Variants in DIAPH2 observed in about 807,000 individuals in gnomAD.
DIAPH2 encodes the protein protein diaphanous homolog 2.
In DIAPH2, 35 loss-of-function variants were observed where a neutral mutation model predicts 92.7. The observed-to-expected ratio is 0.38, with a 90% confidence interval of 0.29 to 0.50. DIAPH2 has a LOEUF of 0.50. Ranked by LOEUF, DIAPH2 falls within the 20% of genes least tolerant of loss-of-function variation. The pLI, the probability that DIAPH2 is intolerant of heterozygous loss-of-function variation, is 0.94. For synonymous variants in DIAPH2, 301 were observed against 280.4 expected (o/e 1.07, Z -0.73); for missense variants, 701 against 819.5 (o/e 0.86, Z 1.77).
At chrX:96,724,531 A>G (rs952075239) in intron 1 of DIAPH2, among the ~76,000 whole-genome samples, 3 of 112,029 alleles carry the variant, frequency 2.7e-5, no homozygotes, top group African/African-American at 9.7e-5. Flanking sequence ...ATGTGCAGAA[A>G]TATAATATGT....
At chrX:97,128,795 G>A (rs2067111036) in intron 21 of DIAPH2, among the ~76,000 whole-genome samples, 1 of 112,060 alleles carries the variant, frequency 8.9e-6, no homozygotes, top group Non-Finnish European at 1.9e-5. Flanking sequence ...GTGTTACTTT[G>A]TGTTGTTAGT....
chrX:97,570,654 A>G (rs1338721450), intron 26 of DIAPH2, among the ~76,000 whole-genome samples: 1 of 110,968 alleles, frequency 9.0e-6, no homozygotes, highest in East Asian at 2.8e-4. Context: ...GGGGAAGCCA[A>G]GGAGGAGTAG....
chrX:97,464,822 T>C (rs5921830), intron 26 of DIAPH2, among the ~76,000 whole-genome samples: 47,037 of 110,703 alleles, frequency 0.42, 8,402 homozygotes, highest in Non-Finnish European at 0.56. Flanking sequence ...TACATAAATA[T>C]ATATATATGT....
chrX:97,451,343 A>G (rs888761736), intron 26 of DIAPH2, among the ~76,000 whole-genome samples: 3 of 111,363 alleles, frequency 2.7e-5, no homozygotes, highest in Non-Finnish European at 5.7e-5. Context: ...TACCTGCCGC[A>G]TCTCCAACAG....
intron 22 of DIAPH2, among the ~76,000 whole-genome samples, chrX:97,212,111 A>G (rs192370316): frequency 1.7e-3 from 194 of 111,891 alleles, no homozygotes; most frequent in African/African-American, 6.1e-3. Context: ...GGAATGATAA[A>G]TTTTAGTTCT....
At chrX:97,106,726 G>A (rs2066943957) in intron 20 of DIAPH2, among the ~76,000 whole-genome samples, 1 of 111,060 alleles carries the variant, frequency 9.0e-6, no homozygotes, top group Admixed American at 9.6e-5. Context: ...GAGATCAGGA[G>A]TTCGAGACCA....
chrX:96,746,261 T>G lies in DIAPH2; in HGVS notation c.342+7499T>G, dbSNP rs1045695610. Among the ~76,000 whole-genome samples, 4 of 112,160 alleles carry G rather than the reference T, an allele frequency of 3.6e-5. No homozygotes were observed. The East Asian group carries it at 1.1e-3, about 31-fold the overall frequency. On this transcript the variant is annotated intron_variant, in intron 3 of 26. Transcript: ENST00000324765. The stretch of plus-strand genomic sequence containing the variant: ...TAAGCTCTTTATTAAGAGAGTGTCT[T>G]TCATAGTTTGTAAAAGTGAATTTTG...
At chrX:97,423,358 C>T (rs1302711739) in intron 25 of DIAPH2, among the ~76,000 whole-genome samples, 1 of 111,672 alleles carries the variant, frequency 9.0e-6, no homozygotes, top group African/African-American at 3.3e-5. Context: ...AGAGAATTGT[C>T]TGTAAGTAAG....
intron 26 of DIAPH2, among the ~76,000 whole-genome samples, chrX:97,590,433 G>A (rs1569430598): frequency 8.9e-6 from 1 of 112,297 alleles, no homozygotes; most frequent in East Asian, 2.8e-4. Flanking sequence ...ACAGGTAAGT[G>A]TATTCTAAGT....
At chrX:97,057,558 C>T (rs989101772) in intron 17 of DIAPH2, among the ~76,000 whole-genome samples, 6 of 111,806 alleles carry the variant, frequency 5.4e-5, no homozygotes, top group African/African-American at 2.0e-4. Context: ...TGCACAGTGT[C>T]AGATTTCACA....
At chrX:97,509,859 T>A (rs1024999276) in intron 26 of DIAPH2, among the ~76,000 whole-genome samples, 1 of 110,727 alleles carries the variant, frequency 9.0e-6, no homozygotes, top group Admixed American at 9.6e-5. Flanking sequence ...TATGGCTGCA[T>A]AGTATTCCAT....
intron 21 of DIAPH2, among the ~76,000 whole-genome samples, chrX:97,137,755 G>A (rs189355029): frequency 9.0e-6 from 1 of 111,487 alleles, no homozygotes; most frequent in Admixed American, 9.6e-5. Flanking sequence ...GGTTAGAAAG[G>A]TAGACAAGGG....
chrX:96,751,656 T>TG (rs1569383781), intron 3 of DIAPH2, among the ~76,000 whole-genome samples: 1 of 73,158 alleles, frequency 1.4e-5, no homozygotes, highest in African/African-American at 4.6e-5. Context: ...TGTTTTGTTT[T>TG]TTTTTTTTTT....
At chrX:96,932,288 TTC>T (rs1436062730) in intron 10 of DIAPH2, among the ~76,000 whole-genome samples, 1 of 111,377 alleles carries the variant, frequency 9.0e-6, no homozygotes, top group African/African-American at 3.3e-5. Context: ...GCTCTTACTT[TTC>T]TCTCTTTCAT....
chrX:96,856,305 A>C (rs1453183837), intron 4 of DIAPH2, among the ~76,000 whole-genome samples: 2 of 111,294 alleles, frequency 1.8e-5, no homozygotes, highest in Non-Finnish European at 3.8e-5. Flanking sequence ...ATTCTAGGTA[A>C]CTGTATGCTG....
intron 25 of DIAPH2, 152 bp downstream of exon 25, chrX:97,384,196 TC>T: frequency 2.1e-6 from 1 of 473,203 alleles, no homozygotes; most frequent in Non-Finnish European, 3.5e-6. Flanking sequence ...ATGTGTGGTT[TC>T]CTATCTCCCT....
At chrX:97,139,388 A>C (rs2046954667) in intron 21 of DIAPH2, among the ~76,000 whole-genome samples, 1 of 107,770 alleles carries the variant, frequency 9.3e-6, no homozygotes, top group African/African-American at 3.3e-5. Context: ...GGTTTAAAAG[A>C]CCACCCATTT....
chrX:97,189,678 A>G lies in DIAPH2; in HGVS notation c.2719+47884A>G, dbSNP rs766349783. 6.1e-4 allele frequency among the ~76,000 whole-genome samples: 68 copies of G among 112,277 alleles called. 1 individual carries two copies. Among genetic ancestry groups the G allele is most frequent in the African/African-American group, 2.2e-3 (67 of 30,980 alleles). Reference sequence around the variant, plus strand: ...AGAAAAAGGTTAAAAAATAAGAAGCAATTTTTAAAAAATCCCTCTTTTTGC... The same window carrying G: ...AGAAAAAGGTTAAAAAATAAGAAGCGATTTTTAAAAAATCCCTCTTTTTGC... On this transcript the variant is annotated intron_variant, in intron 22 of 26. Coordinates refer to ENST00000324765, the MANE Select transcript of DIAPH2 (RefSeq NM_006729.5).
chrX:97,239,659 G>T (rs756948776), intron 22 of DIAPH2, among the ~76,000 whole-genome samples: 92 of 111,346 alleles, frequency 8.3e-4, no homozygotes, highest in Non-Finnish European at 1.3e-3. Context: ...GATAGAAAAT[G>T]TTTGCACTGT....
Sources: allele counts gnomAD v4.1 joint callset (sites outside exome capture counted in the v4.1 genomes callset), GRCh38; gene constraint gnomAD v4.1.1; transcripts MANE v1.5; gene names NCBI Gene and HGNC (gene_info 2026-07-23, HGNC 2026-07-21).